Variants in PRSS23 observed in about 807,000 individuals in gnomAD.
PRSS23 encodes the protein protease, serine 23.
A neutral mutation model predicts 34.7 loss-of-function variants in PRSS23; 25 were observed. The ratio of observed to expected loss-of-function variants is 0.72; its 90% CI spans 0.53 to 1.01. The LOEUF is 1.01. Ranked by LOEUF, PRSS23 falls within the 50% of genes least tolerant of loss-of-function variation. The pLI, the probability that PRSS23 is intolerant of heterozygous loss-of-function variation, is 0.00. For missense variants in PRSS23, 445 were observed against 475.6 expected, an observed-to-expected ratio of 0.94 and a Z score of 0.60; for synonymous variants, 176 against 186.6, an observed-to-expected ratio of 0.94 and a Z score of 0.46.
chr11:86,879,141 C>T (rs559854445), intron 2 of PRSS23, among the ~76,000 whole-genome samples: 5 of 149,006 alleles, frequency 3.4e-5, no homozygotes, highest in Admixed American at 1.3e-4. Flanking sequence ...AAGTGAGGAG[C>T]GCCTCTTCCC....
At chr11:86,920,605 G>A (rs1032307775) in intron 2 of PRSS23, among the ~76,000 whole-genome samples, 1 of 152,106 alleles carries the variant, frequency 6.6e-6, no homozygotes, top group African/African-American at 2.4e-5. Context: ...TGCCAGAGGA[G>A]ACTCTTCAGG....
downstream of PRSS23, among the ~76,000 whole-genome samples, chr11:86,814,408 C>T (rs1026702702): frequency 9.9e-5 from 15 of 151,738 alleles, no homozygotes; most frequent in African/African-American, 2.2e-4. Flanking sequence ...TAAGAAGCCA[C>T]CAATAAGGTT....
intron 2 of PRSS23, among the ~76,000 whole-genome samples, chr11:86,843,063 CA>C (rs1453014316): frequency 6.6e-6 from 1 of 152,022 alleles, no homozygotes; most frequent in East Asian, 1.9e-4. Context: ...GTACTGGTAC[CA>C]AAACAGATAT....
intron 2 of PRSS23, among the ~76,000 whole-genome samples, chr11:86,848,205 A>G (rs1948501870): frequency 6.6e-6 from 1 of 152,258 alleles, no homozygotes; most frequent in Admixed American, 6.5e-5. Context: ...GGATTAGAGC[A>G]GTCCTTTGAT....
intron 1 of PRSS23, among the ~76,000 whole-genome samples, chr11:86,816,413 C>G (rs974568072): frequency 1.3e-5 from 2 of 152,178 alleles, no homozygotes; most frequent in Non-Finnish European, 2.9e-5. Context: ...ACTACCCTCT[C>G]CACAAAATAT....
intron 2 of PRSS23, chr11:86,932,744 T>A (rs1355193800): frequency 6.6e-6 from 1 of 152,198 alleles, no homozygotes; most frequent in Admixed American, 6.5e-5. Context: ...AATGCTTTGG[T>A]GAAGAGGAGA....
chr11:86,854,232 C>T (rs112247792), intron 2 of PRSS23, among the ~76,000 whole-genome samples: 2 of 152,250 alleles, frequency 1.3e-5, no homozygotes, highest in African/African-American at 4.8e-5. Flanking sequence ...GATCACCTGA[C>T]CTCGTGATCT....
intron 2 of PRSS23, among the ~76,000 whole-genome samples, chr11:86,859,899 A>T (rs1452238677): frequency 6.6e-6 from 1 of 151,970 alleles, no homozygotes; most frequent in Non-Finnish European, 1.5e-5. Flanking sequence ...TATTACTCCA[A>T]ATATTGCAGG....
Position 86,952,426 on chromosome 11 carries a change from G to C in PRSS23, c.*1141G>C, listed in dbSNP as rs370591370. 4.6e-5 allele frequency: 74 copies of C among 1,613,838 alleles called. No individual in the cohort carries two copies. The highest frequency in any genetic ancestry group is 6.2e-5 in the Non-Finnish European group (73 of 1,179,920). ...CGCCGCATGGGCCAATGGGGATGTT[G>C]ATCTTCTCTGTGCACATTGGCACAT... On this transcript the variant is annotated 3_prime_UTR_variant, in exon 3 of 3. Transcript: ENST00000533902.
intron 2 of PRSS23, among the ~76,000 whole-genome samples, chr11:86,876,613 C>G (rs1948725753): frequency 6.6e-6 from 1 of 152,126 alleles, no homozygotes. Context: ...GAAATGCAGA[C>G]TCTTAGGCCC....
intron 2 of PRSS23, among the ~76,000 whole-genome samples, chr11:86,861,812 T>C (rs1456670849): frequency 6.6e-6 from 1 of 151,752 alleles, no homozygotes; most frequent in Non-Finnish European, 1.5e-5. Flanking sequence ...TGTACACGCC[T>C]TTGTGATATT....
chr11:86,821,557 A>G, intron 1 of PRSS23: 4 of 1,610,932 alleles, frequency 2.5e-6, no homozygotes, highest in Non-Finnish European at 3.4e-6. Context: ...GATGGCATTC[A>G]CTCTGAAGTT....
intron 2 of PRSS23, chr11:86,951,183 C>T (rs763843440): frequency 1.2e-6 from 2 of 1,614,054 alleles, no homozygotes; most frequent in South Asian, 2.2e-5. Context: ...TTCACCCAAC[C>T]ATTTCCTCTC....
downstream of PRSS23, among the ~76,000 whole-genome samples, chr11:86,814,151 C>T (rs140665492): frequency 1.2e-4 from 19 of 152,246 alleles, no homozygotes; most frequent in South Asian, 4.1e-4. Context: ...AACTGTCTAG[C>T]GGACACCCAA....
intron 2 of PRSS23, among the ~76,000 whole-genome samples, chr11:86,863,794 C>G (rs1448034167): frequency 2.0e-5 from 3 of 151,734 alleles, no homozygotes; most frequent in Non-Finnish European, 2.9e-5. Context: ...CAGATGCAGA[C>G]AAAGCCACAA....
intron 2 of PRSS23, among the ~76,000 whole-genome samples, chr11:86,917,389 T>C (rs1030862400): frequency 6.6e-6 from 1 of 152,134 alleles, no homozygotes; most frequent in African/African-American, 2.4e-5. Flanking sequence ...AAGGCAAACA[T>C]AGGGAAATGT....
downstream of PRSS23, among the ~76,000 whole-genome samples, chr11:86,811,733 C>G (rs1426243557): frequency 1.3e-5 from 2 of 152,032 alleles, no homozygotes; most frequent in African/African-American, 4.8e-5. Flanking sequence ...CTGGTGATGC[C>G]TGGATCATGT....
chr11:86,792,128 T>C (rs1444560694), intron 1 of PRSS23, among the ~76,000 whole-genome samples: 2 of 152,240 alleles, frequency 1.3e-5, no homozygotes. Flanking sequence ...TACCCTGCAC[T>C]GTGCTCAGAA....
At chr11:86,820,256 A>G (rs983758070) in intron 1 of PRSS23, among the ~76,000 whole-genome samples, 1 of 152,248 alleles carries the variant, frequency 6.6e-6, no homozygotes, top group Non-Finnish European at 1.5e-5. Context: ...CAAAACAAAG[A>G]TAAGCAAGAG....
Sources: allele counts gnomAD v4.1 joint callset (sites outside exome capture counted in the v4.1 genomes callset), GRCh38; gene constraint gnomAD v4.1.1; transcripts MANE v1.5; gene names NCBI Gene and HGNC (gene_info 2026-07-23, HGNC 2026-07-21).